ESRRB: variants seen among roughly 807,000 people sequenced by gnomAD.
The protein encoded by ESRRB is steroid hormone receptor ERR2.
Under a neutral mutation model 46.0 loss-of-function variants are expected in ESRRB, and 16 were observed. The ratio of observed to expected loss-of-function variants is 0.35; its 90% CI spans 0.24 to 0.53. ESRRB has a LOEUF of 0.53. ESRRB is among the 20% of genes least tolerant of loss of function. ESRRB has a pLI of 0.93. For synonymous variants in ESRRB, 246 were observed against 259.6 expected, an observed-to-expected ratio of 0.95 and a Z score of 0.50; for missense variants, 488 against 607.4, an observed-to-expected ratio of 0.80 and a Z score of 2.07.
At chr14:76,487,351 A>G (rs1023298496) in intron 5 of ESRRB, among the ~76,000 whole-genome samples, 1 of 152,208 alleles carries the variant, frequency 6.6e-6, no homozygotes, top group African/African-American at 2.4e-5. Flanking sequence ...AGTGAACAGC[A>G]GAGTTAGGAA....
chr14:76,419,246 C>T (rs954589038), intron 1 of ESRRB, among the ~76,000 whole-genome samples: 1 of 152,016 alleles, frequency 6.6e-6, no homozygotes, highest in Non-Finnish European at 1.5e-5. Context: ...AACTCCTGAC[C>T]TCAGGTGATC....
chr14:76,442,418 G>A (rs1033235624), intron 2 of ESRRB, among the ~76,000 whole-genome samples: 2 of 152,132 alleles, frequency 1.3e-5, no homozygotes, highest in African/African-American at 2.4e-5. Context: ...AGAGGGTGCA[G>A]TGAGCCGAGA....
intron 1 of ESRRB, among the ~76,000 whole-genome samples, chr14:76,409,425 C>T (rs1595088809): frequency 6.6e-6 from 1 of 152,128 alleles, no homozygotes; most frequent in Non-Finnish European, 1.5e-5. Context: ...CCTGCACCCC[C>T]CAGTCCCTCT....
chr14:76,478,942 G>C (rs1052263559), intron 3 of ESRRB, among the ~76,000 whole-genome samples: 9 of 152,176 alleles, frequency 5.9e-5, no homozygotes, highest in African/African-American at 1.9e-4. Context: ...ATAGGTTCAG[G>C]TCTGGAGCTG....
At chr14:76,487,839 T>C (rs752577025) in intron 5 of ESRRB, among the ~76,000 whole-genome samples, 22 of 152,188 alleles carry the variant, frequency 1.4e-4, no homozygotes, top group Non-Finnish European at 2.6e-4. Flanking sequence ...CCTGGGCTCA[T>C]GTGATCCTCC....
chr14:76,469,929 G>GTTTTTTTTTTTTTTTTTT (rs769935944), intron 3 of ESRRB, among the ~76,000 whole-genome samples: 6 of 78,738 alleles, frequency 7.6e-5, no homozygotes, highest in Admixed American at 1.4e-4. Context: ...GTTTTTTGTT[G>GTTTTTTTTTTTTTTTTTT]TTTTTTTTTT....
At chr14:76,464,404 G>A (rs1889018745) in intron 3 of ESRRB, among the ~76,000 whole-genome samples, 2 of 152,246 alleles carry the variant, frequency 1.3e-5, no homozygotes, top group Non-Finnish European at 2.9e-5. Flanking sequence ...ATAGAAATTG[G>A]ACCTTCCACT....
intron 6 of ESRRB, among the ~76,000 whole-genome samples, chr14:76,497,276 G>C (rs537706742): frequency 2.6e-5 from 4 of 152,204 alleles, no homozygotes; most frequent in African/African-American, 9.6e-5. Flanking sequence ...TGAAGACTCA[G>C]CCCTGCAAGG....
chr14:76,352,875 C>T (rs1884330995), intron 1 of ESRRB, among the ~76,000 whole-genome samples: 1 of 152,252 alleles, frequency 6.6e-6, no homozygotes, highest in Admixed American at 6.5e-5. Flanking sequence ...CACAGGCGAG[C>T]ACCGTCCGCC....
intron 1 of ESRRB, among the ~76,000 whole-genome samples, chr14:76,346,566 G>A (rs1884252757): frequency 6.6e-6 from 1 of 152,188 alleles, no homozygotes; most frequent in Non-Finnish European, 1.5e-5. Context: ...CTTGGTGCTG[G>A]GTGAGCTGAC....
chr14:76,493,299 C>T (rs1011052053), intron 6 of ESRRB, among the ~76,000 whole-genome samples: 4 of 152,074 alleles, frequency 2.6e-5, no homozygotes, highest in Non-Finnish European at 4.4e-5. Flanking sequence ...GGACTACATG[C>T]GTGCACCGCC....
In ESRRB at chr14:76,491,607, G is replaced by A; in HGVS notation, c.1011G>A (p.Gly337=). The change falls in exon 6 of 7, where the codon GGG becomes GGA. Residue 337 remains glycine (G), a synonymous_variant. Coordinates refer to ENST00000644823, the MANE Select transcript of ESRRB (RefSeq NM_001379180.1). The stretch of plus-strand genomic sequence containing the variant: ...ATGAGGAGCACTCCCGCCTCGCGGG[G>A]CTGCTGGAGCTCTACCGGGCCATCC... The part of the protein sequence containing the change: ...IMDEEHSRLA[G]LLELYRAILQ... 6.3e-7 allele frequency: 1 copy of A among 1,585,904 alleles called. No individual in the cohort carries two copies.
intron 6 of ESRRB, among the ~76,000 whole-genome samples, chr14:76,495,194 C>T (rs1344232782): frequency 1.3e-5 from 2 of 152,150 alleles, no homozygotes; most frequent in African/African-American, 4.8e-5. Context: ...GGAGGTTTGT[C>T]AATATGAATC....
At chr14:76,467,431 G>A (rs1038973539) in intron 3 of ESRRB, among the ~76,000 whole-genome samples, 1 of 150,116 alleles carries the variant, frequency 6.7e-6, no homozygotes, top group Non-Finnish European at 1.5e-5. Context: ...AACCCAGGAG[G>A]CAGAGGTTGC....
intron 1 of ESRRB, among the ~76,000 whole-genome samples, chr14:76,416,932 A>C (rs1886731327): frequency 6.6e-6 from 1 of 152,210 alleles, no homozygotes; most frequent in Admixed American, 6.5e-5. Context: ...AGAATGTCAG[A>C]TATTAAGAAT....
chr14:76,322,094 T>G (rs530048129), intron 1 of ESRRB, among the ~76,000 whole-genome samples: 2 of 152,316 alleles, frequency 1.3e-5, no homozygotes, highest in South Asian at 4.2e-4. Flanking sequence ...TTCAACATTT[T>G]CAAAGTTTTC....
At chr14:76,400,660 A>G (rs1158830683) in intron 1 of ESRRB, among the ~76,000 whole-genome samples, 3 of 152,146 alleles carry the variant, frequency 2.0e-5, no homozygotes, top group Non-Finnish European at 4.4e-5. Context: ...GGAAGATGGG[A>G]ACCACTGGCC....
At position 76,455,727 on chromosome 14, in the gene ESRRB, T is replaced by C. The variant is rs926618467; in HGVS notation, c.461-6818T>C. ...CTTCACATTAGATTCATGTCTTGGCTTGGTACAGAATTCTAGTTGAAAATA... is the reference window on the plus strand; with the variant it reads ...CTTCACATTAGATTCATGTCTTGGCCTGGTACAGAATTCTAGTTGAAAATA... On this transcript the variant is annotated intron_variant, in intron 2 of 6. Transcript: ENST00000644823. Among the ~76,000 whole-genome samples, 19 of 152,274 alleles carry C rather than the reference T, an allele frequency of 1.2e-4. No individual in the cohort carries two copies. The East Asian group carries it at 3.7e-3, about 29-fold the overall frequency.
At chr14:76,331,413 G>A (rs992757869) in intron 1 of ESRRB, among the ~76,000 whole-genome samples, 4 of 152,300 alleles carry the variant, frequency 2.6e-5, no homozygotes, top group Admixed American at 1.3e-4. Flanking sequence ...GAACTAACAC[G>A]GGTGGCATGC....
Sources: gnomAD v4.1 joint callset for allele counts (sites outside exome capture counted in the v4.1 genomes callset) on GRCh38, gnomAD v4.1.1 for gene constraint, MANE v1.5 for transcripts, NCBI Gene and HGNC (gene_info 2026-07-23, HGNC 2026-07-21) for gene names.